ALPK2: variants seen among roughly 807,000 people sequenced by gnomAD.
ALPK2 encodes the protein alpha kinase 2, also known as alpha-protein kinase 2.
In ALPK2, 127 loss-of-function variants were observed where a neutral mutation model predicts 163.1. That is an observed-to-expected ratio of 0.78 (90% CI 0.67 to 0.90). ALPK2 has a LOEUF of 0.90. ALPK2 is among the 40% of genes least tolerant of loss of function. The pLI, the probability that ALPK2 is intolerant of heterozygous loss-of-function variation, is 0.00. For missense variants in ALPK2, 2,360 were observed against 2,589.6 expected, an observed-to-expected ratio of 0.91 and a Z score of 1.92; for synonymous variants, 953 against 959.1, an observed-to-expected ratio of 0.99 and a Z score of 0.12.
chr18:58,517,080 A>G lies in ALPK2; in HGVS notation c.5768T>C (p.Leu1923Pro), dbSNP rs2051525977. The G allele has an allele frequency of 5.0e-6, 8 of 1,614,138 alleles. No individual in the cohort carries two copies. Among genetic ancestry groups the G allele is most frequent in the African/African-American group, 1.3e-5 (1 of 74,954 alleles). ...RLRGQIATEE[L>P]HFGEGVHRKA... ...GCGGTGAACCCCTTCTCCAAAGTGC[A>G]GCTCCTCCGTGGCGATCTGACCACG... The change falls in exon 9 of 13, where the codon CTG becomes CCG. Residue 1923 changes from leucine to proline, a missense_variant. Coordinates refer to ENST00000361673, the MANE Select transcript of ALPK2 (RefSeq NM_052947.4).
At chr18:58,605,366 GATC>G (rs2052092717) in intron 3 of ALPK2, among the ~76,000 whole-genome samples, 1 of 152,108 alleles carries the variant, frequency 6.6e-6, no homozygotes, top group Admixed American at 6.5e-5. Context: ...TGCTAACATT[GATC>G]TAGATAAACC....
intron 4 of ALPK2, among the ~76,000 whole-genome samples, chr18:58,567,448 T>A (rs972061614): frequency 6.6e-6 from 1 of 152,144 alleles, no homozygotes; most frequent in Admixed American, 6.5e-5. Context: ...GTTGTTTTTT[T>A]AAACACGCAC....
rs775721563 is a variant in ALPK2 at position 58,611,749 on chromosome 18, T to C, written c.49A>G (p.Thr17Ala). 6.2e-7 allele frequency: 1 copy of C among 1,612,528 alleles called. No homozygotes were observed. Among genetic ancestry groups the C allele is most frequent in the South Asian group, 1.1e-5 (1 of 90,834 alleles). ...TCAGGAACCTTCTGGGAAAGCAATG[T>C]AGATAAAAAACACAGCGGGGGCCTC... ...PQRPPLCFLSTLLSQKVPEKS... is the reference protein window; with the variant it reads ...PQRPPLCFLSALLSQKVPEKS... The change falls in exon 2 of 13, where the codon ACA (threonine) becomes GCA (alanine). Residue 17 changes from threonine (T) to alanine (A), a missense_variant. By Grantham distance (58) the Thr-to-Ala change is moderately conservative. Transcript: ENST00000361673.
chr18:58,503,820 T>C (rs2051446077), intron 11 of ALPK2, 111 bp downstream of exon 11: 1 of 976,224 alleles, frequency 1.0e-6, no homozygotes, highest in South Asian at 1.7e-5. Context: ...GTAAAGGTGT[T>C]TCAAGGTACC....
intron 3 of ALPK2, among the ~76,000 whole-genome samples, chr18:58,598,880 C>A (rs2052054769): frequency 6.6e-6 from 1 of 152,186 alleles, no homozygotes; most frequent in Non-Finnish European, 1.5e-5. Flanking sequence ...CCTAATGTGC[C>A]TGGTCTGCTC....
intron 3 of ALPK2, among the ~76,000 whole-genome samples, chr18:58,594,677 C>A (rs1349685598): frequency 6.6e-6 from 1 of 152,176 alleles, no homozygotes; most frequent in Non-Finnish European, 1.5e-5. Flanking sequence ...TCCAAACCTG[C>A]TTCTTGTCTC....
intron 3 of ALPK2, among the ~76,000 whole-genome samples, chr18:58,585,092 A>T (rs1438816534): frequency 6.6e-6 from 1 of 152,236 alleles, no homozygotes; most frequent in Non-Finnish European, 1.5e-5. Flanking sequence ...AAAGAAAAAG[A>T]GGTCCATGTT....
At chr18:58,529,904 T>C (rs2051603726) in intron 5 of ALPK2, among the ~76,000 whole-genome samples, 1 of 152,158 alleles carries the variant, frequency 6.6e-6, no homozygotes, top group South Asian at 2.1e-4. Flanking sequence ...ATTAGCATGC[T>C]AATGTGTAAT....
At chr18:58,489,522 CAA>C (rs59828769) in intron 12 of ALPK2, among the ~76,000 whole-genome samples, 2 of 150,622 alleles carry the variant, frequency 1.3e-5, no homozygotes, top group African/African-American at 2.4e-5. Flanking sequence ...CCCACCCCTA[CAA>C]AAAAAAATTA....
chr18:58,579,156 C>G lies in ALPK2; in HGVS notation c.1620G>C (p.Pro540=). 4 of 1,614,148 alleles carry G rather than the reference C, an allele frequency of 2.5e-6. No homozygotes were observed. The highest frequency in any genetic ancestry group is 3.4e-6 in the Non-Finnish European group (4 of 1,180,032). The change falls in exon 4 of 13, where the codon CCG becomes CCC. Residue 540 remains proline, a synonymous_variant. Coordinates refer to ENST00000361673, the MANE Select transcript of ALPK2 (RefSeq NM_052947.4). ...GSRKSARVRQ[P]GMKGNPKKPN... is the part of the protein sequence containing the mutation. ...GCTTCTTGGGATTTCCCTTCATTCC[C>G]GGCTGCCTCACCCTGGCAGATTTCC... is the stretch of plus-strand genomic sequence containing the variant.
intron 12 of ALPK2, among the ~76,000 whole-genome samples, chr18:58,489,367 T>C (rs989853295): frequency 1.3e-5 from 2 of 152,176 alleles, no homozygotes; most frequent in Non-Finnish European, 2.9e-5. Flanking sequence ...GTGATGTAAA[T>C]GCTGTGAGAA....
At chr18:58,524,849 C>T (rs1423433111) in intron 6 of ALPK2, among the ~76,000 whole-genome samples, 2 of 151,566 alleles carry the variant, frequency 1.3e-5, no homozygotes, top group African/African-American at 4.9e-5. Context: ...AGCTGCCTCC[C>T]CAAGTAAATT....
intron 4 of ALPK2, among the ~76,000 whole-genome samples, chr18:58,556,776 G>T (rs1171403461): frequency 1.3e-5 from 2 of 152,168 alleles, no homozygotes; most frequent in Admixed American, 6.5e-5. Flanking sequence ...TGAGGGCTGG[G>T]CCACTGTCCT....
At chr18:58,568,429 C>G (rs925723901) in intron 4 of ALPK2, among the ~76,000 whole-genome samples, 2 of 152,110 alleles carry the variant, frequency 1.3e-5, no homozygotes, top group African/African-American at 4.8e-5. Context: ...ACTTGGAACC[C>G]CCCAGGATTT....
chr18:58,573,617 T>C (rs889686679), intron 4 of ALPK2, among the ~76,000 whole-genome samples: 1 of 138,400 alleles, frequency 7.2e-6, no homozygotes, highest in African/African-American at 2.7e-5. Flanking sequence ...TGTCTTCTTT[T>C]TTTTTTTTTT....
chr18:58,583,674 C>A (rs1166011081), intron 3 of ALPK2, among the ~76,000 whole-genome samples: 7 of 147,192 alleles, frequency 4.8e-5, no homozygotes. Flanking sequence ...ATTAGCCAGG[C>A]ATGGTGATAC....
At position 58,579,001 on chromosome 18, in the gene ALPK2, C is replaced by A. The variant is rs775211718; in HGVS notation, c.1775G>T (p.Gly592Val). The A allele has an allele frequency of 8.1e-6, 13 of 1,614,096 alleles. No homozygotes were observed. The African/African-American group carries it at 1.5e-4, about 18-fold the overall frequency. ...ETSHTTAAAT[G>V]RSSHADAREC... ...TCTTGCATCAGCATGGGAACTCCGACCAGTCGCTGCTGCTGTGGTGTGAGA... is the reference window on the plus strand; with the variant it reads ...TCTTGCATCAGCATGGGAACTCCGAACAGTCGCTGCTGCTGTGGTGTGAGA... Residue 592 changes from glycine to valine, a missense_variant, in exon 4 of 13, where the codon GGT becomes GTT. Gly to Val is a moderately radical substitution (Grantham distance 109). Coordinates refer to ENST00000361673, the MANE Select transcript of ALPK2 (RefSeq NM_052947.4).
intron 10 of ALPK2, among the ~76,000 whole-genome samples, chr18:58,514,741 CCCATCCAT>C (rs1212528799): frequency 6.6e-6 from 1 of 151,276 alleles, no homozygotes; most frequent in Non-Finnish European, 1.5e-5. Flanking sequence ...AATCCATACA[CCCATCCAT>C]CCATCCATTC....
intron 4 of ALPK2, among the ~76,000 whole-genome samples, chr18:58,558,496 C>T (rs1568085141): frequency 6.6e-6 from 1 of 152,192 alleles, no homozygotes; most frequent in South Asian, 2.1e-4. Flanking sequence ...TGTAAAATGG[C>T]ATAGCTGCTT....
Sources: allele counts gnomAD v4.1 joint callset (sites outside exome capture counted in the v4.1 genomes callset), GRCh38; gene constraint gnomAD v4.1.1; transcripts MANE v1.5; gene names NCBI Gene and HGNC (gene_info 2026-07-23, HGNC 2026-07-21).